TBCEL: variants seen among roughly 807,000 people sequenced by gnomAD.
TBCEL encodes the protein tubulin folding cofactor E like.
A neutral mutation model predicts 44.2 loss-of-function variants in TBCEL; 15 were observed. That is an observed-to-expected ratio of 0.34 (90% CI 0.23 to 0.52). The LOEUF is 0.52. Ranked by LOEUF, TBCEL falls within the 20% of genes least tolerant of loss-of-function variation. TBCEL has a pLI of 0.95. For synonymous variants in TBCEL, 171 were observed against 185.4 expected, an observed-to-expected ratio of 0.92 and a Z score of 0.63; for missense variants, 319 against 506.3, an observed-to-expected ratio of 0.63 and a Z score of 3.55.
intron 6 of TBCEL, among the ~76,000 whole-genome samples, chr11:121,056,056 A>G (rs752954496): frequency 1.1e-4 from 16 of 151,814 alleles, no homozygotes; most frequent in Non-Finnish European, 2.2e-4. Flanking sequence ...ACGGATTTTC[A>G]CAAATGTGTA....
intron 2 of TBCEL, among the ~76,000 whole-genome samples, chr11:121,038,462 G>C (rs1945273859): frequency 6.6e-6 from 1 of 152,026 alleles, no homozygotes; most frequent in Non-Finnish European, 1.5e-5. Flanking sequence ...AAAAATTCCA[G>C]CTACTTAAAA....
chr11:121,043,248 G>A (rs913322420), intron 2 of TBCEL, among the ~76,000 whole-genome samples: 4 of 152,074 alleles, frequency 2.6e-5, no homozygotes, highest in African/African-American at 4.8e-5. Context: ...ACTCGGCAAC[G>A]TTTATCAAAC....
chr11:121,080,151 T>C (rs1946100008), intron 8 of TBCEL, among the ~76,000 whole-genome samples: 1 of 152,194 alleles, frequency 6.6e-6, no homozygotes, highest in Admixed American at 6.5e-5. Context: ...CTTCAAGATT[T>C]GGTTTAACCA....
At chr11:121,039,477 C>G (rs1945293398) in intron 2 of TBCEL, among the ~76,000 whole-genome samples, 1 of 152,168 alleles carries the variant, frequency 6.6e-6, no homozygotes, top group South Asian at 2.1e-4. Flanking sequence ...TTCTTTAGTG[C>G]TTAGCATAGT....
chr11:121,054,216 G>A (rs577392994), intron 5 of TBCEL, among the ~76,000 whole-genome samples: 9 of 151,930 alleles, frequency 5.9e-5, no homozygotes, highest in African/African-American at 1.2e-4. Flanking sequence ...ATTATGTTTC[G>A]TTTGTCCCTA....
chr11:121,060,085 G>C lies in TBCEL; in HGVS notation c.956G>C (p.Arg319Thr). ...GTTCCACAGGAAGAAGTGCCATTCA[G>C]GTAAAAAATTCCCCATTGGCCAAAC... ...VDVPQEEVPF[R>T]YHELITKYGK... The change falls in exon 8 of 9, where the codon AGG becomes ACG. Residue 319 changes from arginine (R) to threonine (T), a missense_variant and splice_region_variant. By Grantham distance (71) the Arg-to-Thr change is moderately conservative (BLOSUM62 -1). Coordinates refer to ENST00000683345, the MANE Select transcript of TBCEL (RefSeq NM_001363644.2). 6.2e-7 allele frequency: 1 copy of C among 1,607,896 alleles called. No individual in the cohort carries two copies. Among genetic ancestry groups the C allele is most frequent in the Non-Finnish European group, 8.5e-7 (1 of 1,175,676 alleles).
At position 121,053,706 on chromosome 11, in the gene TBCEL, C is replaced by T; in HGVS notation, c.429C>T (p.Val143=). ...ACAGCAAAGCTTCTTGGGAGACGGT[C>T]CACATGATACTACAGGAGTTACCAG... The part of the protein sequence containing the change: ...LNNSKASWET[V]HMILQELPDL... Residue 143 remains valine, a synonymous_variant, in exon 5 of 9, where the codon GTC becomes GTT. Transcript: ENST00000683345. The T allele has an allele frequency of 6.2e-7, 1 of 1,611,886 alleles. No homozygotes were observed.
chr11:121,086,683 T>G, intron 8 of TBCEL, 95 bp from the exon 9 acceptor site: 15 of 911,252 alleles, frequency 1.6e-5, no homozygotes, highest in Non-Finnish European at 2.5e-5. Context: ...TTAAAGATGT[T>G]GAGCCTAGTA....
intron 2 of TBCEL, among the ~76,000 whole-genome samples, chr11:121,040,747 G>C (rs965455672): frequency 6.6e-6 from 1 of 151,790 alleles, no homozygotes; most frequent in Non-Finnish European, 1.5e-5. Context: ...AAACTATTAG[G>C]TCATTTCCAG....
In TBCEL at chr11:121,078,030, C is replaced by G. The variant is rs188249338; in HGVS notation, c.957-8748C>G. ...AGTCTGTTGTGGTATATTTGAGGTA[C>G]CTTTCTGGTTTAGAATATGGTCTTT... On this transcript the variant is annotated intron_variant, in intron 8 of 8. Transcript: ENST00000683345. Among the ~76,000 whole-genome samples the G allele has an allele frequency of 8.6e-5, 13 of 151,540 alleles. No homozygotes were observed. The East Asian group carries it at 1.9e-3, about 23-fold the overall frequency.
chr11:121,032,752 G>A (rs546095305), intron 1 of TBCEL, among the ~76,000 whole-genome samples: 5 of 152,286 alleles, frequency 3.3e-5, no homozygotes, highest in African/African-American at 9.6e-5. Flanking sequence ...AAGGACACTT[G>A]TTTATATTTT....
intron 1 of TBCEL, among the ~76,000 whole-genome samples, chr11:121,030,316 GCGA>G (rs1332234084): frequency 6.6e-6 from 1 of 152,158 alleles, no homozygotes; most frequent in Non-Finnish European, 1.5e-5. Flanking sequence ...TGAATCCTTG[GCGA>G]CCATGATGAA....
chr11:121,075,225 A>G (rs1029717915), intron 8 of TBCEL, among the ~76,000 whole-genome samples: 1 of 152,020 alleles, frequency 6.6e-6, no homozygotes. Flanking sequence ...AGAAAAGAAA[A>G]CCAGAAATAC....
At chr11:121,063,627 A>C (rs766129556) in intron 8 of TBCEL, among the ~76,000 whole-genome samples, 17 of 152,224 alleles carry the variant, frequency 1.1e-4, no homozygotes, top group Non-Finnish European at 2.1e-4. Context: ...AATTACATGA[A>C]ACAGGAAAGA....
intron 8 of TBCEL, among the ~76,000 whole-genome samples, chr11:121,063,360 T>A (rs945651362): frequency 6.6e-6 from 1 of 152,210 alleles, no homozygotes; most frequent in African/African-American, 2.4e-5. Context: ...TTTTTAAAAA[T>A]TATTCTTATC....
At chr11:121,041,911 C>CAAA (rs201192130) in intron 2 of TBCEL, among the ~76,000 whole-genome samples, 3 of 84,966 alleles carry the variant, frequency 3.5e-5, no homozygotes, top group Non-Finnish European at 2.6e-5. Flanking sequence ...GCTTTTCAGT[C>CAAA]AAAAAAAAAA....
intron 8 of TBCEL, among the ~76,000 whole-genome samples, chr11:121,066,773 A>G (rs563554958): frequency 6.6e-6 from 1 of 152,294 alleles, no homozygotes; most frequent in African/African-American, 2.4e-5. Flanking sequence ...TATATCCATA[A>G]TCTCTCCCTA....
In TBCEL at chr11:121,024,150, A is replaced by T. The variant is rs868388800; in HGVS notation, c.-267A>T. ...TGGGCTCCGGCGGCCAGAGTGGGGG[A>T]CTAGGTGAAGCGGCGCCGGGCCGGG... On this transcript the variant is annotated 5_prime_UTR_variant, in exon 1 of 9. Coordinates refer to ENST00000683345, the MANE Select transcript of TBCEL (RefSeq NM_001363644.2). 6.5e-6 allele frequency: 1 copy of T among 153,048 alleles called. No individual in the cohort carries two copies. Among genetic ancestry groups the T allele is most frequent in the Non-Finnish European group, 1.5e-5 (1 of 68,482 alleles). The allele number at this position is 153,048 out of a possible 1,614,324, so 9.5% of individuals were successfully genotyped here.
At chr11:121,077,625 C>T (rs1472391056) in intron 8 of TBCEL, among the ~76,000 whole-genome samples, 1 of 151,956 alleles carries the variant, frequency 6.6e-6, no homozygotes, top group Non-Finnish European at 1.5e-5. Flanking sequence ...TTGATTTCTG[C>T]TCATATCTTT....
Sources: gnomAD v4.1 joint callset for allele counts (sites outside exome capture counted in the v4.1 genomes callset) on GRCh38, gnomAD v4.1.1 for gene constraint, MANE v1.5 for transcripts, NCBI Gene and HGNC (gene_info 2026-07-23, HGNC 2026-07-21) for gene names.